HOXA3: variants seen among roughly 807,000 people sequenced by gnomAD.
HOXA3 encodes the protein homeobox A3, also known as homeobox protein Hox-A3.
A neutral mutation model predicts 30.3 loss-of-function variants in HOXA3; 8 were observed. The ratio of observed to expected loss-of-function variants is 0.26; its 90% CI spans 0.15 to 0.48. The LOEUF is 0.48. HOXA3 is among the 20% of genes least tolerant of loss of function. The probability of loss-of-function intolerance (pLI) is 0.99; values close to 1 mark genes in which losing one functional copy is unlikely to be tolerated. For missense variants in HOXA3, 653 were observed against 614.4 expected, an observed-to-expected ratio of 1.06 and a Z score of -0.66; for synonymous variants, 323 against 273.1, an observed-to-expected ratio of 1.18 and a Z score of -1.80.
At chr7:27,134,482 A>ATGTC (rs1483938001) in intron 2 of HOXA3, among the ~76,000 whole-genome samples, 1 of 152,230 alleles carries the variant, frequency 6.6e-6, no homozygotes, top group Admixed American at 6.5e-5. Context: ...TGAAGCTGAC[A>ATGTC]TGTCTATAAG....
chr7:27,145,717 TG>T, intron 1 of HOXA3: 1 of 1,614,186 alleles, frequency 6.2e-7, no homozygotes, highest in Non-Finnish European at 8.5e-7. Flanking sequence ...TTGATGAGCT[TG>T]TTTTCCTTTT....
chr7:27,134,545 A>G (rs1785658523), intron 2 of HOXA3, among the ~76,000 whole-genome samples: 1 of 152,258 alleles, frequency 6.6e-6, no homozygotes, highest in South Asian at 2.1e-4. Context: ...TTTCCCAAAG[A>G]GACACGTAAT....
intron 5 of HOXA3, among the ~76,000 whole-genome samples, chr7:27,109,697 T>C (rs1204879067): frequency 2.0e-5 from 3 of 152,244 alleles, no homozygotes; most frequent in Non-Finnish European, 4.4e-5. Flanking sequence ...GCATTGATTC[T>C]GTCTTGGAGG....
intron 2 of HOXA3, chr7:27,130,635 G>T (rs1487752905): frequency 1.9e-6 from 3 of 1,586,746 alleles, no homozygotes; most frequent in South Asian, 1.1e-5. Context: ...CCGGGCCGCC[G>T]TCTGCGCCGC....
chr7:27,135,035 T>C (rs1421827628), intron 2 of HOXA3, among the ~76,000 whole-genome samples: 1 of 152,214 alleles, frequency 6.6e-6, no homozygotes, highest in Non-Finnish European at 1.5e-5. Flanking sequence ...AAAGCCATTC[T>C]AGATGCATGA....
chr7:27,147,500 C>A (rs1439161871), intron 1 of HOXA3: 1 of 1,614,204 alleles, frequency 6.2e-7, no homozygotes, highest in Non-Finnish European at 8.5e-7. Context: ...CCACTGAGGT[C>A]CTTATCAGAA....
chr7:27,144,352 G>A (rs1009102996), intron 1 of HOXA3, among the ~76,000 whole-genome samples: 4 of 152,250 alleles, frequency 2.6e-5, no homozygotes, highest in Non-Finnish European at 5.9e-5. Flanking sequence ...CAGTGTCCCT[G>A]CCGCTCTTAA....
At chr7:27,123,249 G>A (rs1009390153) in intron 3 of HOXA3, 6 of 152,368 alleles carry the variant, frequency 3.9e-5, no homozygotes, top group East Asian at 1.9e-4. Context: ...AGGTCCTAGT[G>A]GGCTGGCGGG....
Position 27,108,079 on chromosome 7 carries a change from G to T in HOXA3, c.1168C>A (p.His390Asn), listed in dbSNP as rs746997972. The T allele has an allele frequency of 1.9e-6, 3 of 1,612,796 alleles. No homozygotes were observed. The highest frequency in any genetic ancestry group is 3.3e-5 in the Admixed American group (2 of 59,936). The change falls in exon 6 of 6, where the codon CAC becomes AAC. Residue 390 changes from histidine to asparagine, a missense_variant. Coordinates refer to ENST00000612286, the MANE Select transcript of HOXA3 (RefSeq NM_153631.3). This position sits in a 1 kb window ranked among gnomAD's most constrained non-coding sequence, Gnocchi z 5.0. ...TAGTCCATGGCGCCCGAGGCAGCGTGGGGGAGGTGAGTTAGACCAAAGAGG... is the reference window on the plus strand; with the variant it reads ...TAGTCCATGGCGCCCGAGGCAGCGTTGGGGAGGTGAGTTAGACCAAAGAGG... ...PALFGLTHLP[H>N]AASGAMDYGG...
chr7:27,128,854 T>G (rs1785392273), intron 2 of HOXA3: 1 of 281,200 alleles, frequency 3.6e-6, no homozygotes, highest in African/African-American at 2.2e-5. Flanking sequence ...AGGGTCTGTC[T>G]TCTTCTGCTT....
intron 1 of HOXA3, chr7:27,147,811 A>G: frequency 7.0e-7 from 1 of 1,419,408 alleles, no homozygotes; most frequent in South Asian, 1.3e-5. Context: ...TATAACTATT[A>G]GTAGTCATCG....
chr7:27,111,138 C>T (rs1784352615), intron 4 of HOXA3, among the ~76,000 whole-genome samples: 1 of 152,170 alleles, frequency 6.6e-6, no homozygotes, highest in African/African-American at 2.4e-5. Context: ...CCTTGGCCTC[C>T]TCCAGAGGGC....
intron 2 of HOXA3, among the ~76,000 whole-genome samples, chr7:27,131,625 T>G (rs1408893443): frequency 6.6e-6 from 1 of 152,180 alleles, no homozygotes; most frequent in Non-Finnish European, 1.5e-5. Flanking sequence ...CCGCATTTAC[T>G]AGGTGCGATT....
At chr7:27,125,403 G>T (rs886950300) in intron 3 of HOXA3, among the ~76,000 whole-genome samples, 1 of 152,238 alleles carries the variant, frequency 6.6e-6, no homozygotes, top group African/African-American at 2.4e-5. Flanking sequence ...GAAAGGGAAG[G>T]GGTTGCCCCG....
chr7:27,120,525 CGCGACTCTG>C (rs1784952038), intron 4 of HOXA3, among the ~76,000 whole-genome samples: 1 of 129,036 alleles, frequency 7.7e-6, no homozygotes, highest in Admixed American at 8.5e-5. Context: ...TGGGACAGAG[CGCGACTCTG>C]TCAAAAAAAA....
intron 4 of HOXA3, among the ~76,000 whole-genome samples, chr7:27,114,828 A>ATATATATTATATATATTAATATATAT (rs1491379927): frequency 1.6e-5 from 1 of 62,356 alleles, no homozygotes; most frequent in South Asian, 5.2e-4. Context: ...TATATATATA[A>ATATATATTATATATATTAATATATAT]TATATATTAT....
At chr7:27,129,463 C>A (rs777100810) in intron 2 of HOXA3, 1 of 1,614,138 alleles carries the variant, frequency 6.2e-7, no homozygotes, top group Non-Finnish European at 8.5e-7. Context: ...GCGGCGCCGC[C>A]GGGTCAGGTA....
At chr7:27,148,931 G>C (rs1488602509) in intron 1 of HOXA3, among the ~76,000 whole-genome samples, 1 of 152,258 alleles carries the variant, frequency 6.6e-6, no homozygotes, top group Non-Finnish European at 1.5e-5. Flanking sequence ...GGTTTCCGGG[G>C]CGCCCGACAA....
At chr7:27,143,729 T>C (rs1049542537) in intron 1 of HOXA3, 2 of 1,441,962 alleles carry the variant, frequency 1.4e-6, no homozygotes, top group African/African-American at 1.5e-5. Context: ...CCCTCCTACG[T>C]AGGCACCCAA....
Sources: allele counts gnomAD v4.1 joint callset (sites outside exome capture counted in the v4.1 genomes callset), GRCh38; gene constraint gnomAD v4.1.1; non-coding constraint Gnocchi (gnomAD v3.1); transcripts MANE v1.5; gene names NCBI Gene and HGNC (gene_info 2026-07-23, HGNC 2026-07-21).